The following KCNH8 variants were observed in gnomAD, a reference collection of about 807,000 sequenced individuals.
KCNH8 encodes the protein potassium voltage-gated channel subfamily H member 8.
In KCNH8, 70 loss-of-function variants were observed where a neutral mutation model predicts 103.6. That is an observed-to-expected ratio of 0.68 (90% CI 0.56 to 0.82). The LOEUF (loss-of-function observed/expected upper bound fraction) is 0.82, where lower values mean the gene tolerates loss of function less well. Ranked by LOEUF, KCNH8 falls within the 40% of genes least tolerant of loss-of-function variation. KCNH8 has a pLI of 0.00. For synonymous variants in KCNH8, 498 were observed against 489.4 expected (o/e 1.02, Z -0.23); for missense variants, 1,217 against 1,329.9 (o/e 0.92, Z 1.32).
intron 3 of KCNH8, among the ~76,000 whole-genome samples, chr3:19,315,846 A>C (rs2065266482): frequency 6.6e-6 from 1 of 151,954 alleles, no homozygotes; most frequent in Non-Finnish European, 1.5e-5. Context: ...AAATCAGGAG[A>C]ATATTTTATA....
intron 7 of KCNH8, among the ~76,000 whole-genome samples, chr3:19,429,394 T>TC (rs200821553): frequency 0.038 from 5,813 of 152,130 alleles, 273 homozygotes; most frequent in East Asian, 0.24. Flanking sequence ...CATGATGGTC[T>TC]CCATCTCCTG....
At chr3:19,251,973 T>G (rs1575469940) in intron 1 of KCNH8, among the ~76,000 whole-genome samples, 1 of 152,216 alleles carries the variant, frequency 6.6e-6, no homozygotes, top group East Asian at 1.9e-4. Flanking sequence ...TAACAGCTTA[T>G]CCTGTAGTTT....
chr3:19,240,499 G>T (rs530411800), intron 1 of KCNH8, among the ~76,000 whole-genome samples: 1 of 151,484 alleles, frequency 6.6e-6, no homozygotes, highest in South Asian at 2.1e-4. Flanking sequence ...GTAATCCCAG[G>T]TACTCTAGAG....
At chr3:19,162,515 A>G (rs995145781) in intron 1 of KCNH8, among the ~76,000 whole-genome samples, 2 of 152,046 alleles carry the variant, frequency 1.3e-5, no homozygotes, top group Non-Finnish European at 2.9e-5. Flanking sequence ...TCAAACAAAA[A>G]GAAAAAGAAA....
At chr3:19,527,589 C>T (rs1239945488) in intron 15 of KCNH8, among the ~76,000 whole-genome samples, 5 of 152,002 alleles carry the variant, frequency 3.3e-5, no homozygotes, top group Admixed American at 2.0e-4. Flanking sequence ...CCAGATACTC[C>T]GGAAATGTAG....
chr3:19,515,104 A>C (rs529917330), intron 13 of KCNH8, among the ~76,000 whole-genome samples: 201 of 151,846 alleles, frequency 1.3e-3, no homozygotes, highest in Non-Finnish European at 2.5e-3. Flanking sequence ...ATTCTTCAAA[A>C]TCCAGTGTGT....
At chr3:19,466,054 C>A (rs1474359018) in intron 11 of KCNH8, among the ~76,000 whole-genome samples, 1 of 152,000 alleles carries the variant, frequency 6.6e-6, no homozygotes, top group Non-Finnish European at 1.5e-5. Context: ...CCAACCTCAG[C>A]CTCCCATGCA....
At chr3:19,408,569 A>C (rs2066729509) in intron 7 of KCNH8, among the ~76,000 whole-genome samples, 1 of 152,126 alleles carries the variant, frequency 6.6e-6, no homozygotes, top group Admixed American at 6.6e-5. Flanking sequence ...ATTGCAAGGA[A>C]GTTCACTGAG....
chr3:19,233,053 G>T (rs2064014682), intron 1 of KCNH8, among the ~76,000 whole-genome samples: 1 of 138,024 alleles, frequency 7.2e-6, no homozygotes, highest in African/African-American at 3.0e-5. Flanking sequence ...TCAATGTCTT[G>T]ATATTCCTCC....
intron 11 of KCNH8, among the ~76,000 whole-genome samples, chr3:19,483,389 C>T (rs1429991564): frequency 6.6e-6 from 1 of 152,106 alleles, no homozygotes; most frequent in Non-Finnish European, 1.5e-5. Context: ...AGTCATCCTA[C>T]AGGGTGAGTG....
chr3:19,288,192 T>C (rs2064862562), intron 3 of KCNH8, among the ~76,000 whole-genome samples: 1 of 138,862 alleles, frequency 7.2e-6, no homozygotes, highest in African/African-American at 3.0e-5. Flanking sequence ...TTTTTTTTTT[T>C]TTTTTTTTTT....
At chr3:19,479,622 C>A (rs2068046957) in intron 11 of KCNH8, among the ~76,000 whole-genome samples, 1 of 152,120 alleles carries the variant, frequency 6.6e-6, no homozygotes, top group African/African-American at 2.4e-5. Context: ...GTGTTATTTA[C>A]TATTTATGGG....
At chr3:19,239,348 G>A (rs997110164) in intron 1 of KCNH8, among the ~76,000 whole-genome samples, 5 of 152,130 alleles carry the variant, frequency 3.3e-5, no homozygotes, top group Non-Finnish European at 7.3e-5. Context: ...TGGATGAGGG[G>A]CAGAAAAGGT....
intron 13 of KCNH8, among the ~76,000 whole-genome samples, chr3:19,514,376 A>T (rs2068837546): frequency 6.6e-6 from 1 of 152,034 alleles, no homozygotes; most frequent in African/African-American, 2.4e-5. Flanking sequence ...AATATTGCTT[A>T]ACTCTTCTTC....
intron 2 of KCNH8, among the ~76,000 whole-genome samples, chr3:19,258,209 A>G (rs930791846): frequency 2.0e-5 from 3 of 152,076 alleles, no homozygotes; most frequent in East Asian, 1.9e-4. Flanking sequence ...ATCTAGTTAC[A>G]TTTATGTTGA....
intron 3 of KCNH8, among the ~76,000 whole-genome samples, chr3:19,323,375 G>A (rs923397499): frequency 1.3e-5 from 2 of 152,082 alleles, no homozygotes; most frequent in Non-Finnish European, 2.9e-5. Context: ...TGTGAACCCG[G>A]GAGGCAGAGC....
chr3:19,259,828 A>G (rs765919708), intron 2 of KCNH8, among the ~76,000 whole-genome samples: 1 of 151,734 alleles, frequency 6.6e-6, no homozygotes, highest in East Asian at 1.9e-4. Context: ...AAAATAATTT[A>G]TTTATAATTA....
intron 7 of KCNH8, among the ~76,000 whole-genome samples, chr3:19,402,510 G>T (rs1214242378): frequency 6.6e-6 from 1 of 151,818 alleles, no homozygotes; most frequent in Non-Finnish European, 1.5e-5. Context: ...AAGTGCTATA[G>T]AATTATGATG....
chr3:19,280,703 T>C (rs1559456748), intron 2 of KCNH8, among the ~76,000 whole-genome samples: 1 of 152,084 alleles, frequency 6.6e-6, no homozygotes, highest in Non-Finnish European at 1.5e-5. Flanking sequence ...TATGAGAGTT[T>C]AAGTGGCTGT....
Sources: allele counts gnomAD v4.1 joint callset (sites outside exome capture counted in the v4.1 genomes callset), GRCh38; gene constraint gnomAD v4.1.1; transcripts MANE v1.5; gene names NCBI Gene and HGNC (gene_info 2026-07-23, HGNC 2026-07-21).